MYH7: variants seen among roughly 807,000 people sequenced by gnomAD.
MYH7 encodes the protein myosin-7.
A neutral mutation model predicts 225.4 loss-of-function variants in MYH7; 129 were observed. The observed-to-expected ratio is 0.57, with a 90% CI of 0.50 to 0.66. The LOEUF is 0.66. Among genes scored for constraint, MYH7 ranks in the 30% least tolerant of loss-of-function variants. The pLI, the probability that MYH7 is intolerant of heterozygous loss-of-function variation, is 0.00. For missense variants in MYH7, 1,649 were observed against 2,517.0 expected, an observed-to-expected ratio of 0.66 and a Z score of 7.38; for synonymous variants, 971 against 1,007.6, an observed-to-expected ratio of 0.96 and a Z score of 0.69.
rs749007293 is a variant in MYH7 at position 23,425,992 on chromosome 14, G to A, written c.2134C>T (p.Arg712Cys). Residue 712 changes from arginine (R) to cysteine (C), a missense_variant, in exon 19 of 40, where the codon CGC becomes TGC. By Grantham distance (180) the Arg-to-Cys change is radical (BLOSUM62 -3). Around this residue, in one of 12 missense-constraint regions of MYH7, gnomAD observed 41 missense variants for 124.8 expected, o/e 0.33. Transcript: ENST00000355349. The surrounding 1 kb of genome is among the most constrained non-coding windows in gnomAD (Gnocchi z 4.6). The part of the protein sequence containing the change: ...IRICRKGFPN[R>C]ILYGDFRQRY... The stretch of plus-strand genomic sequence containing the variant: ...TGCCGGAAGTCCCCGTAGAGGATGC[G>A]GTTGGGGAAGCCTTTCCTGCAGATG... 10 of 1,614,018 alleles carry A rather than the reference G, an allele frequency of 6.2e-6. No individual in the cohort carries two copies. The highest frequency in any genetic ancestry group is 2.2e-5 in the South Asian group (2 of 91,084).
In MYH7 at chr14:23,426,881, A is replaced by C. The variant is rs756879405; in HGVS notation, c.1957-17T>G. 2 of 1,608,892 alleles carry C rather than the reference A, an allele frequency of 1.2e-6. No homozygotes were observed. Among genetic ancestry groups the C allele is most frequent in the Non-Finnish European group, 1.7e-6 (2 of 1,175,322 alleles). On this transcript the variant is annotated splice_polypyrimidine_tract_variant and intron_variant, in intron 17 of 39. Transcript: ENST00000355349. ...CAGATTTTCCTGTGGCCAAAAATGCAATAGAGAAAAGTAAAGAAAATGCCA... is the reference window on the plus strand; with the variant it reads ...CAGATTTTCCTGTGGCCAAAAATGCCATAGAGAAAAGTAAAGAAAATGCCA...
chr14:23,426,129 A>C (rs1892688195), intron 18 of MYH7, 48 bp from the exon 19 acceptor site: 1 of 1,603,974 alleles, frequency 6.2e-7, no homozygotes, highest in Non-Finnish European at 8.5e-7. Flanking sequence ...ACTGGACTGA[A>C]GTTCTGGGTT....
Position 23,415,911 on chromosome 14 carries a change from C to A in MYH7, c.4954-79G>T, listed in dbSNP as rs1361206631. ...TAAAGGCACCTGTCAGAGGTCCCTG[C>A]AGTAACCTAGGGGCAGGAGGAATCT... On this transcript the variant is annotated intron_variant, in intron 34 of 39. Coordinates refer to ENST00000355349, the MANE Select transcript of MYH7 (RefSeq NM_000257.4). This position sits in a 1 kb window ranked among gnomAD's most constrained non-coding sequence, Gnocchi z 6.3. The A allele has an allele frequency of 1.2e-6, 2 of 1,613,060 alleles. No individual in the cohort carries two copies. Among genetic ancestry groups the A allele is most frequent in the Non-Finnish European group, 1.7e-6 (2 of 1,179,424 alleles).
At chr14:23,418,097 T>A in intron 30 of MYH7, 113 bp downstream of exon 30, 1 of 1,497,776 alleles carries the variant, frequency 6.7e-7, no homozygotes, top group South Asian at 1.1e-5. Context: ...AGTCCTCCTG[T>A]GTTGTCAAAC....
intron 37 of MYH7, among the ~76,000 whole-genome samples, chr14:23,414,729 G>A (rs753538340): frequency 8.5e-5 from 13 of 152,090 alleles, no homozygotes; most frequent in Non-Finnish European, 1.6e-4. Flanking sequence ...GCTGTACTGG[G>A]TGAGCTTTGT....
Position 23,419,264 on chromosome 14 carries a change from C to G in MYH7, c.3885G>C (p.Glu1295Asp). 6.2e-7 allele frequency: 1 copy of G among 1,614,216 alleles called. No homozygotes were observed. The highest frequency in any genetic ancestry group is 8.5e-7 in the Non-Finnish European group (1 of 1,180,046). ...CTCGGGTCAGCTGGGAGATCAGTGC[C>G]TCCTTCTCATCCAGCTGCCGGGACA... The part of the protein sequence containing the change: ...GELSRQLDEK[E>D]ALISQLTRGK... The change falls in exon 29 of 40, where the codon GAG (glutamate) becomes GAC (aspartate). Residue 1295 changes from glutamate (E) to aspartate (D), a missense_variant. Transcript: ENST00000355349.
rs1307360729 is a variant in MYH7, at chr14:23,419,978, T to C, written c.3593A>G (p.Asp1198Gly). The C allele has an allele frequency of 5.6e-6, 9 of 1,604,888 alleles. No homozygotes were observed. Among genetic ancestry groups the C allele is most frequent in the Non-Finnish European group, 7.7e-6 (9 of 1,173,818 alleles). Residue 1198 changes from aspartate (D) to glycine (G), a missense_variant, in exon 27 of 40, where the codon GAC becomes GGC. Transcript: ENST00000355349. ...TAAALRKKHA[D>G]SVAELGEQID... Reference sequence around the variant, plus strand: ...CTGCTCGCCCAGCTCGGCCACGCTGTCGGCGTGCTTCTTGCGCAGGGCCGC... The same window carrying C: ...CTGCTCGCCCAGCTCGGCCACGCTGCCGGCGTGCTTCTTGCGCAGGGCCGC...
rs1374057997 is a variant in MYH7, at chr14:23,429,350, G to A, written c.1139-3C>T. ...GAGGTAGGCAGACTTGTCAGCCTCT[G>A]GAAGGAAAAGGCAAGTAGCAAAGTT... On this transcript the variant is annotated splice_polypyrimidine_tract_variant and splice_region_variant and intron_variant, in intron 12 of 39. Coordinates refer to ENST00000355349, the MANE Select transcript of MYH7 (RefSeq NM_000257.4). 6.2e-7 allele frequency: 1 copy of A among 1,613,044 alleles called. No individual in the cohort carries two copies. The highest frequency in any genetic ancestry group is 8.5e-7 in the Non-Finnish European group (1 of 1,179,126).
intron 24 of MYH7, 99 bp downstream of exon 24, chr14:23,423,448 C>CAT: frequency 1.8e-6 from 2 of 1,099,710 alleles, no homozygotes; most frequent in South Asian, 2.6e-5. Flanking sequence ...CACACACACA[C>CAT]ACACACACAC....
Position 23,433,467 on chromosome 14 carries a change from C to T in MYH7, c.201+65G>A, listed in dbSNP as rs1042971300. 7.7e-5 allele frequency: 121 copies of T among 1,567,178 alleles called. No homozygotes were observed. Among genetic ancestry groups the T allele is most frequent in the Non-Finnish European group, 1.0e-4 (118 of 1,142,986 alleles). On this transcript the variant is annotated intron_variant, in intron 3 of 39. Transcript: ENST00000355349. This position sits in a 1 kb window ranked among gnomAD's most constrained non-coding sequence, Gnocchi z 4.1. ...TGCATGGGCATGGGGCATGGGTGTA[C>T]CCCTCTCTGTCCACCCAGGTGTACA...
chr14:23,425,877 A>C lies in MYH7; in HGVS notation c.2163-59T>G. The C allele has an allele frequency of 1.9e-6, 3 of 1,613,060 alleles. No homozygotes were observed. The highest frequency in any genetic ancestry group is 2.5e-6 in the Non-Finnish European group (3 of 1,180,018). ...CTGCAGTGATCTGCTCTGCCCATAG[A>C]ATTCCAGGGTCACCTGCAGATCCCA... On this transcript the variant is annotated intron_variant, in intron 19 of 39. Coordinates refer to ENST00000355349, the MANE Select transcript of MYH7 (RefSeq NM_000257.4). The surrounding 1 kb of genome is among the most constrained non-coding windows in gnomAD (Gnocchi z 4.6).
Position 23,424,871 on chromosome 14 carries a change from G to C in MYH7, c.2577C>G (p.Leu859=). The change falls in exon 22 of 40, where the codon CTC becomes CTG. Residue 859 remains leucine (L), a synonymous_variant. Coordinates refer to ENST00000355349, the MANE Select transcript of MYH7 (RefSeq NM_000257.4). ...CCTCGGACTTCTCTAGCGCCTCTTTGAGGCGTGTGAACTCCTCCTTCATGG... is the reference window on the plus strand; with the variant it reads ...CCTCGGACTTCTCTAGCGCCTCTTTCAGGCGTGTGAACTCCTCCTTCATGG... ...MASMKEEFTR[L]KEALEKSEAR... 6.2e-7 allele frequency: 1 copy of C among 1,614,200 alleles called. No homozygotes were observed. Among genetic ancestry groups the C allele is most frequent in the Non-Finnish European group, 8.5e-7 (1 of 1,180,040 alleles).
intron 6 of MYH7, 67 bp from the exon 7 acceptor site, chr14:23,431,936 A>G (rs1892963858): frequency 2.0e-6 from 3 of 1,528,410 alleles, no homozygotes; most frequent in Admixed American, 1.7e-5. Flanking sequence ...TCAAATCAGG[A>G]GAGAATGCCT....
In MYH7 at chr14:23,432,692, G is replaced by A; in HGVS notation, c.449C>T (p.Ala150Val). ...GGAGATGGAGAAGATGTGGGGCGGG[G>A]CCTCGCTCCTCTTCTTGCCCCGGTA... Reference protein sequence around the residue: ...AAYRGKKRSEAPPHIFSISDN... With the variant: ...AAYRGKKRSEVPPHIFSISDN... The change falls in exon 5 of 40, where the codon GCC (alanine) becomes GTC (valine). Residue 150 changes from alanine to valine, a missense_variant. Around this residue, in one of 12 missense-constraint regions of MYH7, gnomAD observed 77 missense variants for 144.0 expected, o/e 0.53. Coordinates refer to ENST00000355349, the MANE Select transcript of MYH7 (RefSeq NM_000257.4). The A allele has an allele frequency of 6.2e-7, 1 of 1,614,122 alleles. No individual in the cohort carries two copies. Among genetic ancestry groups the A allele is most frequent in the Non-Finnish European group, 8.5e-7 (1 of 1,180,032 alleles).
rs730880913 is a variant in MYH7 at position 23,416,126 on chromosome 14, C to A, written c.4831G>T (p.Ala1611Ser). ...TCCATCTTCTTCTTCACCCTCAGGG[C>A]CTCGTTGCGGCTGCGTGTCTCTGCG... Reference protein sequence around the residue: ...LDAETRSRNEALRVKKKMEGD... With the variant: ...LDAETRSRNESLRVKKKMEGD... The change falls in exon 34 of 40, where the codon GCC becomes TCC. Residue 1611 changes from alanine to serine, a missense_variant. Physicochemically the swap from Ala to Ser is moderately conservative, Grantham distance 99. Transcript: ENST00000355349. The A allele has an allele frequency of 1.4e-5, 22 of 1,614,092 alleles. 1 individual carries two copies. The highest frequency in any genetic ancestry group is 1.6e-4 in the Middle Eastern group (1 of 6,080).
intron 24 of MYH7, among the ~76,000 whole-genome samples, chr14:23,422,932 G>A (rs74779734): frequency 0.013 from 1,918 of 152,274 alleles, 42 homozygotes; most frequent in African/African-American, 0.044. Flanking sequence ...GCTGGCCGCC[G>A]TATTCATTCT....
rs1595081548 is a variant in MYH7 at position 23,423,866 on chromosome 14, C to G, written c.2922+41G>C. The G allele has an allele frequency of 5.6e-6, 9 of 1,613,688 alleles. No individual in the cohort carries two copies. The East Asian group carries it at 1.8e-4, about 32-fold the overall frequency. On this transcript the variant is annotated intron_variant, in intron 23 of 39. Coordinates refer to ENST00000355349, the MANE Select transcript of MYH7 (RefSeq NM_000257.4). ...TCAAGGTCAGTATGGTCTGAGAGTCCTGATGAGACCCGGGCTGGAGCCAAA... is the reference window on the plus strand; with the variant it reads ...TCAAGGTCAGTATGGTCTGAGAGTCGTGATGAGACCCGGGCTGGAGCCAAA...
In MYH7 at chr14:23,425,265, C is replaced by A. The variant is rs368184868; in HGVS notation, c.2423+17G>T. The A allele has an allele frequency of 1.9e-6, 3 of 1,614,080 alleles. No individual in the cohort carries two copies. Among genetic ancestry groups the A allele is most frequent in the Non-Finnish European group, 2.5e-6 (3 of 1,180,036 alleles). On this transcript the variant is annotated intron_variant, in intron 21 of 39. Coordinates refer to ENST00000355349, the MANE Select transcript of MYH7 (RefSeq NM_000257.4). This position sits in a 1 kb window ranked among gnomAD's most constrained non-coding sequence, Gnocchi z 4.6. ...GGGCCTCAGAGAAGCGGGAAACCTCCTCTTGAGATCTCTCACCTACGTTCC... is the reference window on the plus strand; with the variant it reads ...GGGCCTCAGAGAAGCGGGAAACCTCATCTTGAGATCTCTCACCTACGTTCC...
Position 23,415,626 on chromosome 14 carries a change from C to T in MYH7, c.5157+3G>A. On this transcript the variant is annotated splice_donor_region_variant and intron_variant, in intron 35 of 39. Coordinates refer to ENST00000355349, the MANE Select transcript of MYH7 (RefSeq NM_000257.4). This position sits in a 1 kb window ranked among gnomAD's most constrained non-coding sequence, Gnocchi z 6.3. ...TTCAGGAATGAGCAGGGGAGCTGCTCACCTGGGAATGCAGCAGCTGCACCC... is the reference window on the plus strand; with the variant it reads ...TTCAGGAATGAGCAGGGGAGCTGCTTACCTGGGAATGCAGCAGCTGCACCC... 2 of 1,613,736 alleles carry T rather than the reference C, an allele frequency of 1.2e-6. No homozygotes were observed.
Sources: allele counts gnomAD v4.1 joint callset (sites outside exome capture counted in the v4.1 genomes callset), GRCh38; gene constraint gnomAD v4.1.1; regional missense constraint gnomAD v4.1.1; non-coding constraint Gnocchi (gnomAD v3.1); transcripts MANE v1.5; gene names NCBI Gene and HGNC (gene_info 2026-07-23, HGNC 2026-07-21).